Variants in ERC1 observed in about 807,000 individuals in gnomAD.
ERC1 encodes RAB6 interacting protein 2.
A neutral mutation model predicts 132.0 loss-of-function variants in ERC1; 56 were observed. The ratio of observed to expected loss-of-function variants is 0.42; its 90% CI spans 0.34 to 0.53. The LOEUF (loss-of-function observed/expected upper bound fraction) is 0.53, where lower values mean the gene tolerates loss of function less well. Ranked by LOEUF, ERC1 falls within the 20% of genes least tolerant of loss-of-function variation. The pLI is 0.03. For synonymous variants in ERC1, 478 were observed against 476.1 expected (o/e 1.00, Z -0.05); for missense variants, 1,202 against 1,349.9 (o/e 0.89, Z 1.72).
chr12:1,359,786 G>A lies in ERC1; in HGVS notation c.2781-12047G>A, dbSNP rs867782259. Among the ~76,000 whole-genome samples the A allele has an allele frequency of 8.5e-5, 13 of 152,252 alleles. 1 individual carries two copies. Among genetic ancestry groups the A allele is most frequent in the Admixed American group, 2.6e-4 (4 of 15,290 alleles). On this transcript the variant is annotated intron_variant, in intron 15 of 18. Coordinates refer to ENST00000360905, the MANE Select transcript of ERC1 (RefSeq NM_178040.4). ...TTCCTTTCTGTTATAATGTTTCACC[G>A]TAAACTGTAGTTCCCTACATATTAT... is the stretch of plus-strand genomic sequence containing the variant.
intron 17 of ERC1, among the ~76,000 whole-genome samples, chr12:1,417,211 GTTTT>G (rs2154397724): frequency 6.6e-6 from 1 of 152,156 alleles, no homozygotes; most frequent in South Asian, 2.1e-4. Flanking sequence ...GCTTTTCACT[GTTTT>G]CCAGAGGGTT....
At chr12:1,067,334 G>A (rs989248087) in intron 2 of ERC1, among the ~76,000 whole-genome samples, 5 of 152,042 alleles carry the variant, frequency 3.3e-5, no homozygotes, top group Non-Finnish European at 7.4e-5. Context: ...TAGGGTTTGG[G>A]GAAGAGTATT....
chr12:994,066 C>CAAAAAAAAAAAAAAA (rs72073964), intron 1 of ERC1, among the ~76,000 whole-genome samples: 7 of 64,264 alleles, frequency 1.1e-4, no homozygotes, highest in African/African-American at 3.0e-4. Flanking sequence ...AACTCCGTCT[C>CAAAAAAAAAAAAAAA]AAAAAAAAAA....
Position 1,493,140 on chromosome 12 carries a change from A to T in ERC1, c.*2910A>T, listed in dbSNP as rs1276296627. On this transcript the variant is annotated 3_prime_UTR_variant, in exon 19 of 19. Coordinates refer to ENST00000360905, the MANE Select transcript of ERC1 (RefSeq NM_178040.4). ...GCTTCTCATCTTTTCATATACCTCT[A>T]ACCCCCGGTACTCATTGAATCATTG... is the stretch of plus-strand genomic sequence containing the variant. 4.7e-6 allele frequency: 1 copy of T among 212,242 alleles called. No homozygotes were observed. Among genetic ancestry groups the T allele is most frequent in the Non-Finnish European group, 9.6e-6 (1 of 104,662 alleles). 13.1% of individuals were successfully genotyped at this position (212,242 alleles called of 1,614,324 possible).
At chr12:1,329,959 C>G (rs1326803532) in intron 15 of ERC1, among the ~76,000 whole-genome samples, 1 of 152,136 alleles carries the variant, frequency 6.6e-6, no homozygotes, top group Non-Finnish European at 1.5e-5. Flanking sequence ...TTTAACAGTT[C>G]CCAATGGAAG....
At chr12:1,368,133 G>T (rs1276442325) in intron 15 of ERC1, among the ~76,000 whole-genome samples, 1 of 151,830 alleles carries the variant, frequency 6.6e-6, no homozygotes, top group East Asian at 1.9e-4. Context: ...GTCAGAATGT[G>T]CTACACTAGC....
At chr12:1,164,049 C>G (rs1212024648) in intron 8 of ERC1, among the ~76,000 whole-genome samples, 1 of 152,046 alleles carries the variant, frequency 6.6e-6, no homozygotes, top group Non-Finnish European at 1.5e-5. Context: ...TCTGCAGGTG[C>G]CTTGGGTTCC....
At chr12:1,117,921 TTTA>T (rs955834462) in intron 7 of ERC1, among the ~76,000 whole-genome samples, 1 of 152,180 alleles carries the variant, frequency 6.6e-6, no homozygotes, top group Non-Finnish European at 1.5e-5. Flanking sequence ...CATTTATAGC[TTTA>T]TTTTAAAAAT....
intron 2 of ERC1, among the ~76,000 whole-genome samples, chr12:1,073,658 G>A (rs1437321091): frequency 1.3e-5 from 2 of 152,010 alleles, no homozygotes; most frequent in Non-Finnish European, 2.9e-5. Context: ...CAAAACAGAA[G>A]GGACTTGGAA....
intron 12 of ERC1, among the ~76,000 whole-genome samples, chr12:1,218,105 A>T (rs183614575): frequency 6.6e-6 from 1 of 152,222 alleles, no homozygotes; most frequent in Non-Finnish European, 1.5e-5. Flanking sequence ...CTTCGCCTCC[A>T]CTCAAAGTTT....
intron 13 of ERC1, among the ~76,000 whole-genome samples, chr12:1,262,059 A>G (rs1252484181): frequency 6.6e-6 from 1 of 152,220 alleles, no homozygotes; most frequent in African/African-American, 2.4e-5. Flanking sequence ...TTCTTAGATA[A>G]AATAAAAAAT....
chr12:1,027,752 G>T lies in ERC1; in HGVS notation c.-152G>T. On this transcript the variant is annotated 5_prime_UTR_variant, in exon 2 of 19. It removes an upstream start codon present in the reference 5' UTR. Transcript: ENST00000360905. ...TGTGTGATCTTTTCATTACAGATAT[G>T]GTGTAAGATACTTCTTCAAGATTGG... is the stretch of plus-strand genomic sequence containing the variant. The T allele has an allele frequency of 1.6e-6, 1 of 630,982 alleles. No homozygotes were observed. The highest frequency in any genetic ancestry group is 2.0e-5 in the South Asian group (1 of 49,630). The allele number at this position is 630,982 out of a possible 1,614,324, so 39.1% of individuals were successfully genotyped here. A position where few individuals can be genotyped will look rare whatever the true frequency, so the allele number is the denominator to read the frequency against.
Position 1,440,427 on chromosome 12 carries a change from C to T in ERC1, c.3025-4135C>T, listed in dbSNP as rs11061759. 2.6e-3 allele frequency among the ~76,000 whole-genome samples: 386 copies of T among 150,200 alleles called. 2 individuals are homozygous for T. Among genetic ancestry groups the T allele is most frequent in the East Asian group, 7.1e-3 (36 of 5,080 alleles). ...TTCACCGTGTTAGCCAGGATGGTCT[C>T]GATCTCCTGACCTCGTGATCTGCCC... On this transcript the variant is annotated intron_variant, in intron 17 of 18. Coordinates refer to ENST00000360905, the MANE Select transcript of ERC1 (RefSeq NM_178040.4).
chr12:1,132,961 T>C (rs55731008), intron 7 of ERC1, among the ~76,000 whole-genome samples: 11,423 of 152,084 alleles, frequency 0.075, 537 homozygotes, highest in Middle Eastern at 0.14. Context: ...GTTCAAGTGA[T>C]TCTCCTGCTT....
In ERC1 at chr12:1,290,113, C is replaced by T. The variant is rs572234342; in HGVS notation, c.2780+101C>T. The T allele has an allele frequency of 3.0e-5, 30 of 1,015,934 alleles. No homozygotes were observed. The African/African-American group carries it at 4.0e-4, about 14-fold the overall frequency. The allele number at this position is 1,015,934 out of a possible 1,614,324, so 62.9% of individuals were successfully genotyped here. On this transcript the variant is annotated intron_variant, in intron 15 of 18. Transcript: ENST00000360905. The stretch of plus-strand genomic sequence containing the variant: ...TCTGTGTTTTACCCCAATACACTTA[C>T]TTAATTTTAGTGCTAACTTGTATTT...
At chr12:1,309,585 A>G (rs2081136810) in intron 15 of ERC1, among the ~76,000 whole-genome samples, 1 of 152,164 alleles carries the variant, frequency 6.6e-6, no homozygotes, top group African/African-American at 2.4e-5. Context: ...CAATAAGAAA[A>G]GTATTCTGTA....
intron 13 of ERC1, among the ~76,000 whole-genome samples, chr12:1,254,008 G>C (rs146208925): frequency 6.6e-6 from 1 of 152,190 alleles, no homozygotes; most frequent in African/African-American, 2.4e-5. Flanking sequence ...TACTCTGTGA[G>C]TGAAGTATTC....
At chr12:1,103,829 C>T (rs566231338) in intron 3 of ERC1, among the ~76,000 whole-genome samples, 2 of 152,108 alleles carry the variant, frequency 1.3e-5, no homozygotes, top group Non-Finnish European at 2.9e-5. Flanking sequence ...TGAGTCATCA[C>T]GCTTGGTCAG....
chr12:1,258,946 A>G (rs967253837), intron 13 of ERC1, among the ~76,000 whole-genome samples: 3 of 152,222 alleles, frequency 2.0e-5, no homozygotes, highest in African/African-American at 7.2e-5. Flanking sequence ...CTCTTTTCAC[A>G]GTAAACAGTT....
Sources: gnomAD v4.1 joint callset for allele counts (sites outside exome capture counted in the v4.1 genomes callset) on GRCh38, gnomAD v4.1.1 for gene constraint, MANE v1.5 for transcripts, NCBI Gene and HGNC (gene_info 2026-07-23, HGNC 2026-07-21) for gene names.